FRMD4A: variants seen among roughly 807,000 people sequenced by gnomAD.
The protein encoded by FRMD4A is FERM domain-containing protein 4A.
Under a neutral mutation model 129.1 loss-of-function variants are expected in FRMD4A, and 29 were observed. That is an observed-to-expected ratio of 0.22 (90% confidence interval 0.17 to 0.31). The LOEUF (loss-of-function observed/expected upper bound fraction) is 0.31. Among genes scored for constraint, FRMD4A ranks in the 10% least tolerant of loss-of-function variants. FRMD4A has a pLI of 1.00. For missense variants in FRMD4A, 1,272 were observed against 1,375.8 expected (o/e 0.92, Z 1.19); for synonymous variants, 634 against 571.6 (o/e 1.11, Z -1.56).
chr10:13,943,675 A>AAAAAAAAAAAAAAAAAAAG (rs2095310696), intron 2 of FRMD4A, among the ~76,000 whole-genome samples: 4 of 123,684 alleles, frequency 3.2e-5, no homozygotes, highest in Non-Finnish European at 5.3e-5. Flanking sequence ...AAAAAAAAAA[A>AAAAAAAAAAAAAAAAAAAG]AAAAGAAAAA....
At chr10:13,701,266 C>T (rs948527756) in intron 14 of FRMD4A, 74 bp downstream of exon 14, 14 of 1,417,014 alleles carry the variant, frequency 9.9e-6, no homozygotes, top group Non-Finnish European at 1.3e-5. Flanking sequence ...GCCTCCCCCA[C>T]CCATCCGATC....
chr10:14,015,369 T>G (rs1486989703), intron 2 of FRMD4A, among the ~76,000 whole-genome samples: 3 of 149,362 alleles, frequency 2.0e-5, no homozygotes, highest in Admixed American at 1.3e-4. Flanking sequence ...TTCTCCTTCC[T>G]TCCTTCCTTT....
intron 2 of FRMD4A, among the ~76,000 whole-genome samples, chr10:14,034,056 A>G (rs901537702): frequency 6.6e-6 from 1 of 152,320 alleles, no homozygotes; most frequent in East Asian, 1.9e-4. Context: ...ACACGGGTCC[A>G]CTATGTTGTT....
chr10:14,164,311 G>A (rs112698674), intron 2 of FRMD4A, among the ~76,000 whole-genome samples: 1 of 152,168 alleles, frequency 6.6e-6, no homozygotes, highest in South Asian at 2.1e-4. Flanking sequence ...GGCGACCTGC[G>A]CCTGGTCCCT....
chr10:13,746,453 T>A (rs541425189), intron 9 of FRMD4A, among the ~76,000 whole-genome samples: 39 of 152,030 alleles, frequency 2.6e-4, no homozygotes, highest in Non-Finnish European at 4.6e-4. Flanking sequence ...GACCTTGTGA[T>A]CTGCCCGCCA....
intron 3 of FRMD4A, among the ~76,000 whole-genome samples, chr10:13,816,914 C>A (rs2093553854): frequency 6.6e-6 from 1 of 152,348 alleles, no homozygotes; most frequent in Middle Eastern, 3.4e-3. Context: ...TCTTGTGGGC[C>A]ATCAGCCGTC....
rs555265364 is a variant in FRMD4A, at chr10:14,185,859, T to C, written c.45+144199A>G. On this transcript the variant is annotated intron_variant, in intron 2 of 24. Transcript: ENST00000357447. ...GAGACAGCCATGGCCAGGTTTCCCA[T>C]AGAGTTAGAGTGAGATAAAGTGGTA... Among the ~76,000 whole-genome samples the C allele has an allele frequency of 6.6e-5, 10 of 152,066 alleles. No homozygotes were observed. In the East Asian group the frequency reaches 1.4e-3, roughly 21 times the overall value.
intron 2 of FRMD4A, among the ~76,000 whole-genome samples, chr10:14,047,432 C>T (rs893508218): frequency 2.6e-5 from 4 of 152,302 alleles, no homozygotes; most frequent in Admixed American, 1.3e-4. Context: ...GTGATCCACA[C>T]ACATTTCCAT....
At chr10:13,845,867 G>A (rs1442850350) in intron 3 of FRMD4A, among the ~76,000 whole-genome samples, 1 of 152,194 alleles carries the variant, frequency 6.6e-6, no homozygotes, top group Non-Finnish European at 1.5e-5. Flanking sequence ...AAGCATCAGA[G>A]TCAGGTTTTG....
chr10:14,243,642 G>C (rs1370887347), intron 2 of FRMD4A, among the ~76,000 whole-genome samples: 4 of 152,112 alleles, frequency 2.6e-5, no homozygotes, highest in Non-Finnish European at 5.9e-5. Flanking sequence ...GTGGTTGCTA[G>C]GGACTAGGGG....
At chr10:13,987,799 G>A (rs1343268022) in intron 2 of FRMD4A, among the ~76,000 whole-genome samples, 1 of 152,144 alleles carries the variant, frequency 6.6e-6, no homozygotes, top group Non-Finnish European at 1.5e-5. Context: ...TATTAAAGAG[G>A]ACATCGTACA....
At chr10:14,047,799 G>A (rs1834053017) in intron 2 of FRMD4A, among the ~76,000 whole-genome samples, 3 of 152,226 alleles carry the variant, frequency 2.0e-5, no homozygotes, top group Admixed American at 1.3e-4. Flanking sequence ...TGGCAAAGCG[G>A]TGACTTGGAA....
chr10:14,180,619 A>G (rs1437356862), intron 2 of FRMD4A, among the ~76,000 whole-genome samples: 2 of 152,198 alleles, frequency 1.3e-5, no homozygotes, highest in Admixed American at 1.3e-4. Flanking sequence ...ACCAATGCCT[A>G]TTACTGTGTG....
At chr10:14,277,701 T>G (rs901309371) in intron 2 of FRMD4A, among the ~76,000 whole-genome samples, 5 of 152,202 alleles carry the variant, frequency 3.3e-5, no homozygotes, top group African/African-American at 1.2e-4. Context: ...CACAGTTACT[T>G]TCCCCTCCCT....
chr10:14,025,423 G>T (rs1832945872), intron 2 of FRMD4A, among the ~76,000 whole-genome samples: 1 of 152,010 alleles, frequency 6.6e-6, no homozygotes, highest in Middle Eastern at 3.4e-3. Context: ...CTTGTACTTG[G>T]TTCACATTGT....
chr10:14,085,094 C>A (rs892076339), intron 2 of FRMD4A, among the ~76,000 whole-genome samples: 2 of 152,196 alleles, frequency 1.3e-5, no homozygotes, highest in African/African-American at 4.8e-5. Context: ...CTAATTCTTA[C>A]AAAGGGAATC....
rs542332561 is a variant in FRMD4A at position 13,676,330 on chromosome 10, C to T, written c.1118-1286G>A. ...AGGCTGGAGTGCAGTGGCACCATCT[C>T]GGCTCACTGCAACCTCCGCCTCCTA... On this transcript the variant is annotated intron_variant, in intron 15 of 24. Transcript: ENST00000357447. Among the ~76,000 whole-genome samples, 10 of 151,764 alleles carry T rather than the reference C, an allele frequency of 6.6e-5. No individual in the cohort carries two copies. The East Asian group carries it at 9.6e-4, about 15-fold the overall frequency.
At chr10:13,855,966 T>C (rs544866581) in intron 3 of FRMD4A, among the ~76,000 whole-genome samples, 4 of 151,858 alleles carry the variant, frequency 2.6e-5, no homozygotes, top group African/African-American at 9.7e-5. Context: ...CCTTTCCATA[T>C]ATATAAATAT....
chr10:13,654,057 C>A, intron 23 of FRMD4A: 1 of 442,728 alleles, frequency 2.3e-6, no homozygotes. Flanking sequence ...CTCTTTCTCC[C>A]CCTGACATTC....
Sources: gnomAD v4.1 joint callset for allele counts (sites outside exome capture counted in the v4.1 genomes callset) on GRCh38, gnomAD v4.1.1 for gene constraint, MANE v1.5 for transcripts, NCBI Gene and HGNC (gene_info 2026-07-23, HGNC 2026-07-21) for gene names.